The following CTNNA2 variants were observed in gnomAD, a reference collection of about 807,000 sequenced individuals.
The protein encoded by CTNNA2 is catenin alpha 2, also known as catenin alpha-2.
Under a neutral mutation model 101.0 loss-of-function variants are expected in CTNNA2, and 42 were observed. That is an observed-to-expected ratio of 0.42 (90% CI 0.32 to 0.54). The LOEUF (loss-of-function observed/expected upper bound fraction) is 0.54. Ranked by LOEUF, CTNNA2 falls within the 20% of genes least tolerant of loss-of-function variation. CTNNA2 has a pLI of 0.14. For missense variants in CTNNA2, 871 were observed against 1,223.1 expected (o/e 0.71, Z 4.29); for synonymous variants, 450 against 456.4 (o/e 0.99, Z 0.18).
chr2:79,671,856 A>G (rs1240792773), intron 2 of CTNNA2, among the ~76,000 whole-genome samples: 1 of 152,214 alleles, frequency 6.6e-6, no homozygotes, highest in African/African-American at 2.4e-5. Flanking sequence ...TACCTGTGTC[A>G]TAGGTGATTC....
chr2:79,527,365 C>T (rs1296830944), intron 1 of CTNNA2, among the ~76,000 whole-genome samples: 1 of 151,172 alleles, frequency 6.6e-6, no homozygotes, highest in Non-Finnish European at 1.5e-5. Flanking sequence ...AGGCGCGGTG[C>T]CTCACACCTG....
chr2:79,700,448 A>T (rs765923999), intron 2 of CTNNA2, among the ~76,000 whole-genome samples: 37 of 152,074 alleles, frequency 2.4e-4, no homozygotes, highest in Admixed American at 2.6e-4. Context: ...GTAGTTAGTT[A>T]CCATACAGAA....
chr2:79,757,387 A>G lies in CTNNA2; in HGVS notation c.298+12805A>G, dbSNP rs577989621. 5.3e-5 allele frequency among the ~76,000 whole-genome samples: 8 copies of G among 152,332 alleles called. No homozygotes were observed. The South Asian group carries it at 1.2e-3, about 24-fold the overall frequency. The stretch of plus-strand genomic sequence containing the variant: ...ACTTGCAAAGAATGGTAAATTATAC[A>G]TCTGTATGAATAAGAATCAGAAATC... On this transcript the variant is annotated intron_variant, in intron 3 of 18. Coordinates refer to ENST00000402739, the MANE Select transcript of CTNNA2 (RefSeq NM_001282597.3).
chr2:80,078,494 A>G (rs1007910573), intron 7 of CTNNA2, among the ~76,000 whole-genome samples: 11 of 152,222 alleles, frequency 7.2e-5, no homozygotes, highest in African/African-American at 2.7e-4. Context: ...GTGATTAAGC[A>G]TTTCAAGAGG....
chr2:80,286,956 C>T (rs552849627), intron 7 of CTNNA2, among the ~76,000 whole-genome samples: 2 of 152,226 alleles, frequency 1.3e-5, no homozygotes, highest in East Asian at 1.9e-4. Context: ...AATTAGTTGT[C>T]CCCTGACCAT....
intron 4 of CTNNA2, among the ~76,000 whole-genome samples, chr2:79,408,103 C>A (rs1558659808): frequency 6.6e-6 from 1 of 151,930 alleles, no homozygotes; most frequent in Admixed American, 6.6e-5. Flanking sequence ...GATTCCTACT[C>A]TCTAACCTGG....
chr2:80,162,461 G>A (rs1477789920), intron 7 of CTNNA2: 18 of 1,596,408 alleles, frequency 1.1e-5, no homozygotes, highest in African/African-American at 4.0e-5. Flanking sequence ...GTGTCGAGAT[G>A]AGCGCCATTT....
intron 7 of CTNNA2, among the ~76,000 whole-genome samples, chr2:80,094,583 A>C (rs1439233662): frequency 1.3e-5 from 2 of 152,188 alleles, no homozygotes; most frequent in African/African-American, 2.4e-5. Flanking sequence ...TTGAATCTAT[A>C]AATTACCTTG....
intron 1 of CTNNA2, among the ~76,000 whole-genome samples, chr2:79,540,184 GT>G (rs1673321849): frequency 6.6e-6 from 1 of 152,160 alleles, no homozygotes; most frequent in African/African-American, 2.4e-5. Context: ...AAAGGGGGCA[GT>G]TTTCGGTCAT....
At chr2:80,015,117 T>C (rs1694051854) in intron 7 of CTNNA2, among the ~76,000 whole-genome samples, 1 of 152,230 alleles carries the variant, frequency 6.6e-6, no homozygotes, top group Non-Finnish European at 1.5e-5. Context: ...TGACATGCTT[T>C]CTGGCTGGTT....
chr2:80,295,440 C>G (rs1359201766), intron 7 of CTNNA2, among the ~76,000 whole-genome samples: 1 of 152,204 alleles, frequency 6.6e-6, no homozygotes, highest in East Asian at 1.9e-4. Context: ...GCCCCTGACT[C>G]TCAGTGAATT....
intron 7 of CTNNA2, among the ~76,000 whole-genome samples, chr2:80,372,367 GTTTTTT>G (rs59415087): frequency 1.4e-5 from 2 of 139,450 alleles, no homozygotes; most frequent in East Asian, 4.2e-4. Flanking sequence ...TTTTAGAGAA[GTTTTTT>G]TTTTTTTTTT....
intron 1 of CTNNA2, among the ~76,000 whole-genome samples, chr2:79,610,532 G>A (rs576493246): frequency 6.6e-6 from 1 of 152,238 alleles, no homozygotes; most frequent in East Asian, 1.9e-4. Context: ...TGAAAAGAAT[G>A]AATTACTGAT....
At chr2:79,627,026 C>T (rs1679355950) in intron 1 of CTNNA2, among the ~76,000 whole-genome samples, 1 of 152,146 alleles carries the variant, frequency 6.6e-6, no homozygotes, top group African/African-American at 2.4e-5. Flanking sequence ...TTGCCTGTCC[C>T]TAGGTCTCAT....
intron 1 of CTNNA2, among the ~76,000 whole-genome samples, chr2:79,639,399 A>G (rs541275021): frequency 7.0e-4 from 106 of 152,296 alleles, no homozygotes; most frequent in African/African-American, 2.5e-3. Flanking sequence ...TTATTTAACA[A>G]TGCATTATGG....
intron 7 of CTNNA2, among the ~76,000 whole-genome samples, chr2:80,372,564 T>C (rs980111975): frequency 6.6e-6 from 1 of 152,120 alleles, no homozygotes; most frequent in Non-Finnish European, 1.5e-5. Flanking sequence ...GTAAAATGTT[T>C]ATCATATGAG....
intron 7 of CTNNA2, among the ~76,000 whole-genome samples, chr2:80,392,715 A>C (rs1438903819): frequency 6.6e-6 from 1 of 152,332 alleles, no homozygotes; most frequent in African/African-American, 2.4e-5. Flanking sequence ...TTTCTAGTAA[A>C]GCATCTCTTT....
At chr2:80,589,524 A>T (rs201560195) in intron 15 of CTNNA2, 39 bp downstream of exon 15, 101 of 1,596,972 alleles carry the variant, frequency 6.3e-5, no homozygotes, top group Non-Finnish European at 7.6e-5. Flanking sequence ...TTTTTTCATT[A>T]AACCCAGAAG....
intron 8 of CTNNA2, among the ~76,000 whole-genome samples, chr2:80,416,259 C>A (rs1427416504): frequency 6.6e-6 from 1 of 151,958 alleles, no homozygotes; most frequent in Non-Finnish European, 1.5e-5. Context: ...TATATGTTAA[C>A]TCAATTGTGG....
Sources: allele counts gnomAD v4.1 joint callset (sites outside exome capture counted in the v4.1 genomes callset), GRCh38; gene constraint gnomAD v4.1.1; transcripts MANE v1.5; gene names NCBI Gene and HGNC (gene_info 2026-07-23, HGNC 2026-07-21).